The following TAOK3 variants were observed in gnomAD, a reference collection of about 807,000 sequenced individuals.
The protein encoded by TAOK3 is TAO kinase 3.
TAOK3 carries 40 observed loss-of-function variants against 120.4 expected under a neutral mutation model. The ratio of observed to expected loss-of-function variants is 0.33; its 90% CI spans 0.26 to 0.43. The LOEUF is 0.43. Among genes scored for constraint, TAOK3 ranks in the 20% least tolerant of loss-of-function variants. TAOK3 has a pLI of 1.00. For missense variants in TAOK3, 821 were observed against 1,112.1 expected (o/e 0.74, Z 3.72); for synonymous variants, 355 against 387.5 (o/e 0.92, Z 0.99).
intron 16 of TAOK3, among the ~76,000 whole-genome samples, chr12:118,174,702 G>A (rs1021669835): frequency 1.5e-4 from 23 of 151,902 alleles, no homozygotes; most frequent in African/African-American, 2.4e-5. Context: ...TTACTCTGTT[G>A]CCCAGGCTGG....
chr12:118,178,049 C>T (rs770698534), intron 15 of TAOK3, among the ~76,000 whole-genome samples: 4 of 152,012 alleles, frequency 2.6e-5, no homozygotes, highest in Non-Finnish European at 4.4e-5. Flanking sequence ...CGGGATCCAG[C>T]GATCCTCCTG....
chr12:118,295,056 A>AT (rs60657336), intron 1 of TAOK3, among the ~76,000 whole-genome samples: 17,956 of 146,864 alleles, frequency 0.12, 1,095 homozygotes, highest in Middle Eastern at 0.15. Context: ...AATGGTCAGC[A>AT]TTTTTTTTTT....
intron 1 of TAOK3, among the ~76,000 whole-genome samples, chr12:118,288,659 T>C (rs1747480852): frequency 6.6e-6 from 1 of 152,140 alleles, no homozygotes; most frequent in Admixed American, 6.5e-5. Context: ...CTCACGCCTG[T>C]AATCCCAGCA....
At chr12:118,345,559 C>A (rs1381448639) in intron 1 of TAOK3, among the ~76,000 whole-genome samples, 1 of 152,116 alleles carries the variant, frequency 6.6e-6, no homozygotes, top group African/African-American at 2.4e-5. Flanking sequence ...TGCTTTCAAG[C>A]CCTGGCTGCT....
At chr12:118,210,308 G>A (rs1174505131) in intron 11 of TAOK3, among the ~76,000 whole-genome samples, 2 of 152,240 alleles carry the variant, frequency 1.3e-5, no homozygotes, top group Admixed American at 1.3e-4. Context: ...TGTGGGGCTC[G>A]AAGATGTCAG....
chr12:118,214,199 T>C, intron 9 of TAOK3, 89 bp from the exon 10 acceptor site: 2 of 976,226 alleles, frequency 2.0e-6, no homozygotes, highest in Non-Finnish European at 3.1e-6. Context: ...GCTTTGCGGC[T>C]AAATCAATAG....
At chr12:118,361,981 T>A (rs2045613692) in intron 1 of TAOK3, among the ~76,000 whole-genome samples, 1 of 152,000 alleles carries the variant, frequency 6.6e-6, no homozygotes, top group South Asian at 2.1e-4. Flanking sequence ...ACACTGATGG[T>A]GCGAATGTAA....
At chr12:118,213,758 G>C (rs573933298) in intron 10 of TAOK3, among the ~76,000 whole-genome samples, 1 of 152,186 alleles carries the variant, frequency 6.6e-6, no homozygotes, top group South Asian at 2.1e-4. Context: ...AGGGTAGCAG[G>C]GCATGTTCCC....
intron 1 of TAOK3, among the ~76,000 whole-genome samples, chr12:118,281,973 AT>A (rs1411644000): frequency 2.6e-5 from 4 of 152,204 alleles, no homozygotes; most frequent in Non-Finnish European, 4.4e-5. Flanking sequence ...AGTCACAGGT[AT>A]TGCTAATACT....
chr12:118,280,264 G>GT (rs2042054237), intron 1 of TAOK3, among the ~76,000 whole-genome samples: 1 of 151,804 alleles, frequency 6.6e-6, no homozygotes, highest in Non-Finnish European at 1.5e-5. Context: ...TTTTGCCACA[G>GT]TGGCCATGCT....
At position 118,295,056 on chromosome 12, in the gene TAOK3, AT is replaced by A. The variant is rs60657336; in HGVS notation, c.-193-28298del. Reference sequence around the variant, plus strand: ...AAATAGGAATTTGGGAATGGTCAGCATTTTTTTTTTTCTTTTGGAGACGGAG... The same window carrying A: ...AAATAGGAATTTGGGAATGGTCAGCATTTTTTTTTTCTTTTGGAGACGGAG... On this transcript the variant is annotated intron_variant, in intron 1 of 20. Transcript: ENST00000392533. Among the ~76,000 whole-genome samples, 128 of 146,984 alleles carry A rather than the reference AT, an allele frequency of 8.7e-4. 1 individual carries two copies. The highest frequency in any genetic ancestry group is 3.5e-3 in the Middle Eastern group (1 of 288).
chr12:118,185,490 T>C (rs941662534), intron 14 of TAOK3, among the ~76,000 whole-genome samples: 2 of 152,124 alleles, frequency 1.3e-5, no homozygotes, highest in African/African-American at 2.4e-5. Flanking sequence ...GGAATCAAAA[T>C]GATGCATATG....
At chr12:118,323,865 C>T (rs2043821750) in intron 1 of TAOK3, among the ~76,000 whole-genome samples, 2 of 152,046 alleles carry the variant, frequency 1.3e-5, no homozygotes, top group Non-Finnish European at 2.9e-5. Context: ...AATTAATAGA[C>T]TACCTGATAT....
At chr12:118,282,457 G>A (rs2042129435) in intron 1 of TAOK3, among the ~76,000 whole-genome samples, 1 of 152,156 alleles carries the variant, frequency 6.6e-6, no homozygotes, top group Non-Finnish European at 1.5e-5. Flanking sequence ...TTCATCTTAT[G>A]TTGTGGGAGT....
chr12:118,240,492 T>C (rs112470681), intron 5 of TAOK3, among the ~76,000 whole-genome samples: 216 of 152,112 alleles, frequency 1.4e-3, no homozygotes, highest in African/African-American at 5.2e-3. Flanking sequence ...TTCTGTACTC[T>C]TATCCTCGAT....
At chr12:118,348,896 C>G (rs2045007005) in intron 1 of TAOK3, among the ~76,000 whole-genome samples, 1 of 135,538 alleles carries the variant, frequency 7.4e-6, no homozygotes, top group Non-Finnish European at 1.5e-5. Context: ...TTGCCCGGGT[C>G]TCACTCTTGT....
intron 1 of TAOK3, among the ~76,000 whole-genome samples, chr12:118,343,766 A>C (rs1039178057): frequency 1.1e-4 from 17 of 152,142 alleles, no homozygotes; most frequent in African/African-American, 4.1e-4. Flanking sequence ...TAATCCCAGC[A>C]CTTTGGGAGG....
At chr12:118,342,016 C>T (rs1365618431) in intron 1 of TAOK3, among the ~76,000 whole-genome samples, 1 of 152,172 alleles carries the variant, frequency 6.6e-6, no homozygotes, top group Non-Finnish European at 1.5e-5. Context: ...GAGTGAGACT[C>T]TGTCTCAAAA....
intron 1 of TAOK3, among the ~76,000 whole-genome samples, chr12:118,291,593 G>A (rs564739495): frequency 3.2e-4 from 49 of 151,938 alleles, no homozygotes; most frequent in Middle Eastern, 3.4e-3. Flanking sequence ...CCTTTATTCC[G>A]GAAGTTCATT....
Sources: gnomAD v4.1 joint callset for allele counts (sites outside exome capture counted in the v4.1 genomes callset) on GRCh38, gnomAD v4.1.1 for gene constraint, MANE v1.5 for transcripts, NCBI Gene and HGNC (gene_info 2026-07-23, HGNC 2026-07-21) for gene names.